CDH18: variants seen among roughly 807,000 people sequenced by gnomAD.
CDH18 encodes the protein cadherin-18.
A neutral mutation model predicts 67.9 loss-of-function variants in CDH18; 31 were observed. The observed-to-expected ratio is 0.46, with a 90% CI of 0.34 to 0.62. CDH18 has a LOEUF of 0.62. Among genes scored for constraint, CDH18 ranks in the 20% least tolerant of loss-of-function variants. CDH18 has a pLI of 0.01. For synonymous variants in CDH18, 362 were observed against 347.2 expected (o/e 1.04, Z -0.48); for missense variants, 890 against 975.5 (o/e 0.91, Z 1.17).
intron 5 of CDH18, among the ~76,000 whole-genome samples, chr5:19,668,791 A>T (rs888857196): frequency 1.3e-5 from 2 of 152,114 alleles, no homozygotes; most frequent in Admixed American, 6.6e-5. Flanking sequence ...GCCATGAAAC[A>T]TTCATACTAG....
intron 11 of CDH18, among the ~76,000 whole-genome samples, chr5:19,486,668 C>A (rs187612181): frequency 2.0e-5 from 3 of 152,132 alleles, no homozygotes; most frequent in Admixed American, 2.0e-4. Context: ...TGGCGGGCGC[C>A]TATAATCTCA....
intron 2 of CDH18, among the ~76,000 whole-genome samples, chr5:20,084,607 G>C (rs1449082242): frequency 6.6e-6 from 1 of 152,196 alleles, no homozygotes; most frequent in East Asian, 1.9e-4. Context: ...CTCCATGAGA[G>C]CCCTGTCCCT....
chr5:20,356,747 C>CTATA (rs1345155159), intron 1 of CDH18, among the ~76,000 whole-genome samples: 9 of 133,794 alleles, frequency 6.7e-5, no homozygotes, highest in Non-Finnish European at 1.2e-4. Flanking sequence ...CTCTCTCTCT[C>CTATA]TCTCTCTATA....
rs1248430009 is a variant in CDH18, at chr5:19,994,863, G to T, written c.-517-2849C>A. Among the ~76,000 whole-genome samples, 44 of 131,060 alleles carry T rather than the reference G, an allele frequency of 3.4e-4. 1 individual carries two copies. The highest frequency in any genetic ancestry group is 5.7e-4 in the Non-Finnish European group (35 of 61,794). 86.0% of individuals were successfully genotyped at this position (131,060 alleles called of 152,430 possible). A position where few individuals can be genotyped will look rare whatever the true frequency, so the allele number is the denominator to read the frequency against. On this transcript the variant is annotated intron_variant, in intron 2 of 14. Coordinates refer to the CDH18 transcript ENST00000507958. ...ATATATATATATATATATAGAGAGA[G>T]AGAGAGAGAGAGAGATGTAGAAAAA...
chr5:20,306,027 G>C (rs1444511737), intron 1 of CDH18: 1 of 152,696 alleles, frequency 6.5e-6, no homozygotes, highest in Non-Finnish European at 1.5e-5. Context: ...CATGTTTTGA[G>C]GAACGTGTTA....
intron 1 of CDH18, among the ~76,000 whole-genome samples, chr5:20,317,028 A>C (rs2149999388): frequency 6.6e-6 from 1 of 152,154 alleles, no homozygotes; most frequent in African/African-American, 2.4e-5. Flanking sequence ...AGAGAATAAA[A>C]CCAAGGCTTA....
chr5:19,545,071 T>A (rs1372425748), intron 8 of CDH18, among the ~76,000 whole-genome samples: 1 of 152,200 alleles, frequency 6.6e-6, no homozygotes, highest in Non-Finnish European at 1.5e-5. Flanking sequence ...AATTATCATA[T>A]GTTCTAGAAA....
intron 6 of CDH18, among the ~76,000 whole-genome samples, chr5:19,593,671 CT>C (rs1745580282): frequency 8.0e-6 from 1 of 124,256 alleles, no homozygotes; most frequent in Non-Finnish European, 1.8e-5. Flanking sequence ...CTTCTACCTC[CT>C]TCTTCCTCCT....
chr5:20,499,636 A>G (rs1754126772), intron 1 of CDH18, among the ~76,000 whole-genome samples: 1 of 152,154 alleles, frequency 6.6e-6, no homozygotes, highest in Non-Finnish European at 1.5e-5. Context: ...GAGTCAGTGA[A>G]GGTGTTGTTC....
At chr5:20,504,367 C>T (rs1754528264) in intron 1 of CDH18, among the ~76,000 whole-genome samples, 2 of 152,100 alleles carry the variant, frequency 1.3e-5, no homozygotes, top group South Asian at 4.1e-4. Flanking sequence ...TAATGGTATT[C>T]CATAAAGGCA....
intron 8 of CDH18, among the ~76,000 whole-genome samples, chr5:19,563,533 GA>G (rs1480545590): frequency 6.6e-6 from 1 of 152,204 alleles, no homozygotes; most frequent in African/African-American, 2.4e-5. Context: ...GCTAATCTGT[GA>G]AATTCCTGAA....
At chr5:20,428,676 G>A (rs552258008) in intron 1 of CDH18, among the ~76,000 whole-genome samples, 1 of 152,160 alleles carries the variant, frequency 6.6e-6, no homozygotes, top group South Asian at 2.1e-4. Context: ...GTTTTGATTT[G>A]CACTTCTCTA....
intron 2 of CDH18, among the ~76,000 whole-genome samples, chr5:19,883,576 CTT>C (rs1787892069): frequency 6.6e-6 from 1 of 151,558 alleles, no homozygotes; most frequent in Non-Finnish European, 1.5e-5. Context: ...GTGAGTTTCT[CTT>C]TTATATTTGT....
intron 5 of CDH18, among the ~76,000 whole-genome samples, chr5:19,706,286 T>C (rs1311472608): frequency 6.6e-6 from 1 of 152,256 alleles, no homozygotes; most frequent in African/African-American, 2.4e-5. Flanking sequence ...GACTTTTGAC[T>C]GCAGGGAATC....
intron 2 of CDH18, among the ~76,000 whole-genome samples, chr5:20,206,830 G>T (rs867875364): frequency 3.3e-5 from 5 of 151,972 alleles, no homozygotes; most frequent in Middle Eastern, 3.4e-3. Context: ...AAAAAACTTG[G>T]TGTAGAAGGA....
intron 4 of CDH18, among the ~76,000 whole-genome samples, chr5:19,736,543 T>C (rs964185097): frequency 1.3e-5 from 2 of 152,190 alleles, no homozygotes; most frequent in African/African-American, 4.8e-5. Context: ...TTTAATATAA[T>C]TTCTGTAGCT....
At chr5:19,900,467 CCT>C (rs141754693) in intron 2 of CDH18, among the ~76,000 whole-genome samples, 3,105 of 152,040 alleles carry the variant, frequency 0.02, 104 homozygotes, top group African/African-American at 0.071. Flanking sequence ...TGTATCAAAC[CCT>C]GATTCGATCA....
chr5:19,631,175 T>C (rs1223293662), intron 5 of CDH18, among the ~76,000 whole-genome samples: 2 of 151,918 alleles, frequency 1.3e-5, no homozygotes, highest in South Asian at 2.1e-4. Context: ...GGGAATTAAC[T>C]AAAGAGAGAG....
chr5:19,475,691 T>C (rs940461288), intron 12 of CDH18, among the ~76,000 whole-genome samples: 1 of 152,080 alleles, frequency 6.6e-6, no homozygotes, highest in Non-Finnish European at 1.5e-5. Flanking sequence ...ATTTATGTTA[T>C]ATATACACAT....
Sources: gnomAD v4.1 joint callset for allele counts (sites outside exome capture counted in the v4.1 genomes callset) on GRCh38, gnomAD v4.1.1 for gene constraint, MANE v1.5 for transcripts, NCBI Gene and HGNC (gene_info 2026-07-23, HGNC 2026-07-21) for gene names.